The following FKBP9 variants were observed in gnomAD, a reference collection of about 807,000 sequenced individuals.
The protein encoded by FKBP9 is FKBP prolyl isomerase 9.
Under a neutral mutation model 55.6 loss-of-function variants are expected in FKBP9, and 27 were observed. The ratio of observed to expected loss-of-function variants is 0.49; its 90% CI spans 0.36 to 0.67. FKBP9 has a LOEUF of 0.67. Ranked by LOEUF, FKBP9 falls within the 30% of genes least tolerant of loss-of-function variation. The pLI is 0.00. For missense variants in FKBP9, 539 were observed against 742.8 expected (o/e 0.73, Z 3.19); for synonymous variants, 267 against 296.5 (o/e 0.90, Z 1.02).
At chr7:32,995,670 T>C (rs1262499635) in intron 6 of FKBP9, among the ~76,000 whole-genome samples, 1 of 152,156 alleles carries the variant, frequency 6.6e-6, no homozygotes, top group African/African-American at 2.4e-5. Context: ...GGGGCCAATT[T>C]TGGGGGAGAG....
At chr7:32,974,810 A>T in intron 2 of FKBP9, 48 bp downstream of exon 2, 1 of 1,541,650 alleles carries the variant, frequency 6.5e-7, no homozygotes, top group Non-Finnish European at 8.9e-7. Context: ...AAACAATGAG[A>T]ACACTTTTAG....
intron 1 of FKBP9, among the ~76,000 whole-genome samples, chr7:32,973,713 CAG>C (rs1784299784): frequency 1.6e-5 from 1 of 61,626 alleles, no homozygotes; most frequent in Non-Finnish European, 3.0e-5. Flanking sequence ...TTTTTTGACA[CAG>C]AGTCTTGCTC....
intron 6 of FKBP9, among the ~76,000 whole-genome samples, chr7:32,989,712 C>A (rs753638280): frequency 6.2e-4 from 95 of 152,126 alleles, no homozygotes; most frequent in Non-Finnish European, 1.1e-3. Context: ...GAGCGCCATG[C>A]CATGCCAGAA....
At chr7:33,003,356 C>A (rs369011003) in intron 9 of FKBP9, among the ~76,000 whole-genome samples, 1 of 152,208 alleles carries the variant, frequency 6.6e-6, no homozygotes, top group Non-Finnish European at 1.5e-5. Context: ...CATCCTCCAG[C>A]CTTTTCCTCT....
In FKBP9 at chr7:33,001,067, G is replaced by A. The variant is rs117585938; in HGVS notation, c.1372+807G>A. On this transcript the variant is annotated intron_variant, in intron 8 of 9. Coordinates refer to ENST00000242209, the MANE Select transcript of FKBP9 (RefSeq NM_007270.5). Reference sequence around the variant, plus strand: ...ACTGGGATTATCAGTGTGAGCCACTGTGCCTGGCCCCAGGAACCCCTTCTT... The same window carrying A: ...ACTGGGATTATCAGTGTGAGCCACTATGCCTGGCCCCAGGAACCCCTTCTT... 8.6e-3 allele frequency among the ~76,000 whole-genome samples: 1,308 copies of A among 152,302 alleles called. 64 individuals are homozygous for A. In the East Asian group the frequency reaches 0.14, roughly 16 times the overall value.
intron 7 of FKBP9, among the ~76,000 whole-genome samples, chr7:32,999,514 A>T (rs958499136): frequency 4.6e-5 from 7 of 151,162 alleles, no homozygotes; most frequent in African/African-American, 1.7e-4. Context: ...CTACAGACAT[A>T]AACACTTTAC....
rs899083059 is a variant in FKBP9, at chr7:32,988,671, T to G, written c.1039+19T>G. The G allele has an allele frequency of 1.9e-6, 3 of 1,612,916 alleles. No homozygotes were observed. Among genetic ancestry groups the G allele is most frequent in the Non-Finnish European group, 2.5e-6 (3 of 1,179,056 alleles). The stretch of plus-strand genomic sequence containing the variant: ...GGAAGAGGTGAGCATCAGCATCACC[T>G]GCCTTCCTCACTAGCTGTGGCTGCT... On this transcript the variant is annotated intron_variant, in intron 6 of 9. Coordinates refer to ENST00000242209, the MANE Select transcript of FKBP9 (RefSeq NM_007270.5).
chr7:32,991,630 A>G (rs938931566), intron 6 of FKBP9, among the ~76,000 whole-genome samples: 1 of 151,728 alleles, frequency 6.6e-6, no homozygotes, highest in African/African-American at 2.4e-5. Flanking sequence ...ATTCTGTCAC[A>G]GCCATTTTCC....
At chr7:32,959,084 C>A (rs1783963449) in intron 1 of FKBP9, among the ~76,000 whole-genome samples, 1 of 151,108 alleles carries the variant, frequency 6.6e-6, no homozygotes, top group African/African-American at 2.5e-5. Context: ...AATGGTCATT[C>A]TTACTACCAT....
At position 33,002,725 on chromosome 7, in the gene FKBP9, G is replaced by A. The variant is rs1784956924; in HGVS notation, c.1422G>A (p.Leu474=). ...SAVLVFDIEL[L]ELVAGLPEGY... ...TATTAGTGTTTGACATTGAGCTGCTGGAGCTGGTGGCTGGCCTTCCTGAGG... is the reference window on the plus strand; with the variant it reads ...TATTAGTGTTTGACATTGAGCTGCTAGAGCTGGTGGCTGGCCTTCCTGAGG... Residue 474 remains leucine (L), a synonymous_variant, in exon 9 of 10, where the codon CTG becomes CTA. Coordinates refer to ENST00000242209, the MANE Select transcript of FKBP9 (RefSeq NM_007270.5). 1.2e-6 allele frequency: 2 copies of A among 1,614,048 alleles called. No individual in the cohort carries two copies. Among genetic ancestry groups the A allele is most frequent in the Admixed American group, 3.3e-5 (2 of 60,000 alleles).
intron 5 of FKBP9, among the ~76,000 whole-genome samples, chr7:32,984,602 G>A (rs1562569846): frequency 6.6e-6 from 1 of 152,194 alleles, no homozygotes; most frequent in African/African-American, 2.4e-5. Flanking sequence ...ATGCAAAAAT[G>A]TATAGCAGAA....
At chr7:32,975,135 C>T (rs1414023361) in intron 2 of FKBP9, 47 bp from the exon 3 acceptor site, 1 of 1,522,214 alleles carries the variant, frequency 6.6e-7, no homozygotes, top group East Asian at 2.3e-5. Context: ...TTTATCTGGC[C>T]TGAAAGGCAG....
intron 2 of FKBP9, 125 bp from the exon 3 acceptor site, chr7:32,975,057 G>T: frequency 1.3e-6 from 1 of 758,068 alleles, no homozygotes; most frequent in Non-Finnish European, 2.2e-6. Flanking sequence ...GTCATTTTGG[G>T]ATTGTATAGC....
chr7:32,963,703 G>T, intron 1 of FKBP9: 2 of 1,362,356 alleles, frequency 1.5e-6, no homozygotes, highest in Non-Finnish European at 1.9e-6. Context: ...ATGGACTGAG[G>T]TGACTTTCTG....
intron 7 of FKBP9, 56 bp downstream of exon 7, chr7:32,996,405 C>T (rs1322663494): frequency 5.1e-6 from 6 of 1,186,248 alleles, no homozygotes; most frequent in Non-Finnish European, 6.1e-6. Flanking sequence ...GTTGCATGCT[C>T]CCACCATCCT....
At chr7:32,957,933 C>T in intron 1 of FKBP9, 139 bp downstream of exon 1, 2 of 694,850 alleles carry the variant, frequency 2.9e-6, no homozygotes, top group Non-Finnish European at 4.3e-6. Flanking sequence ...CCCAGATCCT[C>T]CCGGACCCCA....
chr7:32,980,437 C>T lies in FKBP9; in HGVS notation c.777C>T (p.Ser259=). 1 of 1,613,784 alleles carries T rather than the reference C, an allele frequency of 6.2e-7. No individual in the cohort carries two copies. ...ALLDLHNPKD[S]ISIENKVVPE... is the part of the protein sequence containing the mutation. ...TGGACCTCCATAACCCCAAGGACAG[C>T]ATTTCCATTGAGAACAAGGTAGTAC... The change falls in exon 5 of 10, where the codon AGC becomes AGT. Residue 259 remains serine (S), a synonymous_variant. Coordinates refer to ENST00000242209, the MANE Select transcript of FKBP9 (RefSeq NM_007270.5).
At position 32,957,468 on chromosome 7, in the gene FKBP9, A is replaced by C; in HGVS notation, c.-106A>C. The C allele has an allele frequency of 1.2e-6, 1 of 803,522 alleles. No individual in the cohort carries two copies. Among genetic ancestry groups the C allele is most frequent in the Non-Finnish European group, 1.7e-6 (1 of 582,700 alleles). 49.8% of individuals were successfully genotyped at this position (803,522 alleles called of 1,614,324 possible). On this transcript the variant is annotated 5_prime_UTR_variant, in exon 1 of 10. Coordinates refer to ENST00000242209, the MANE Select transcript of FKBP9 (RefSeq NM_007270.5). The stretch of plus-strand genomic sequence containing the variant: ...ACGGGGTGGCGGCTGCAGCCCGGGT[A>C]GGGCCAGGAGACCCGGTCCACGTTT...
chr7:32,958,829 C>A (rs921149960), intron 1 of FKBP9, among the ~76,000 whole-genome samples: 1 of 152,298 alleles, frequency 6.6e-6, no homozygotes, highest in East Asian at 1.9e-4. Context: ...GGTTAACAGG[C>A]CTCTCTTCGT....
Sources: gnomAD v4.1 joint callset for allele counts (sites outside exome capture counted in the v4.1 genomes callset) on GRCh38, gnomAD v4.1.1 for gene constraint, MANE v1.5 for transcripts, NCBI Gene and HGNC (gene_info 2026-07-23, HGNC 2026-07-21) for gene names.